Variants in CCDC152 observed in about 807,000 individuals in gnomAD.
CCDC152 encodes the protein coiled-coil domain-containing protein 152.
CCDC152 carries 37 observed loss-of-function variants against 38.1 expected under a neutral mutation model. That is an observed-to-expected ratio of 0.97 (90% CI 0.75 to 1.28). CCDC152 has a LOEUF of 1.28. CCDC152 is among the 50% of genes most tolerant of loss of function. The pLI, the probability that CCDC152 is intolerant of heterozygous loss-of-function variation, is 0.00. For missense variants in CCDC152, 259 were observed against 292.1 expected, an observed-to-expected ratio of 0.89 and a Z score of 0.83; for synonymous variants, 83 against 87.1, an observed-to-expected ratio of 0.95 and a Z score of 0.26.
intron 6 of CCDC152, 46 bp downstream of exon 6, chr5:42,783,622 A>G (rs1309176875): frequency 2.0e-6 from 2 of 981,482 alleles, no homozygotes; most frequent in Non-Finnish European, 2.7e-6. Context: ...TTCAACAGAT[A>G]TAATGTGTGG....
At chr5:42,758,040 T>C (rs145201500) in intron 1 of CCDC152, among the ~76,000 whole-genome samples, 2 of 152,370 alleles carry the variant, frequency 1.3e-5, no homozygotes, top group East Asian at 3.9e-4. Context: ...AATATTTTTC[T>C]GCTGTAAGGA....
intron 6 of CCDC152, among the ~76,000 whole-genome samples, chr5:42,784,565 T>G (rs1759894330): frequency 6.6e-6 from 1 of 152,238 alleles, no homozygotes; most frequent in Admixed American, 6.5e-5. Flanking sequence ...GGTTGTCTGT[T>G]TATGCTGTTG....
chr5:42,788,395 T>C (rs1274436499), intron 6 of CCDC152, among the ~76,000 whole-genome samples: 1 of 150,890 alleles, frequency 6.6e-6, no homozygotes, highest in Non-Finnish European at 1.5e-5. Flanking sequence ...ATAAATGAAA[T>C]CCAATCAGGC....
chr5:42,758,292 C>T (rs1407664208), intron 1 of CCDC152, among the ~76,000 whole-genome samples: 1 of 152,104 alleles, frequency 6.6e-6, no homozygotes, highest in Admixed American at 6.5e-5. Context: ...AATAATATGC[C>T]CCCAAATTGC....
At chr5:42,779,630 TGG>T (rs1554044490) in intron 5 of CCDC152, 108 bp downstream of exon 5, 1 of 633,482 alleles carries the variant, frequency 1.6e-6, no homozygotes, top group Non-Finnish European at 2.7e-6. Context: ...CAAATGTTTG[TGG>T]GTGTGTGTGT....
chr5:42,799,681 A>G lies in CCDC152; in HGVS notation c.665A>G (p.Glu222Gly). 1 of 1,546,246 alleles carries G rather than the reference A, an allele frequency of 6.5e-7. No homozygotes were observed. The highest frequency in any genetic ancestry group is 8.7e-7 in the Non-Finnish European group (1 of 1,144,860). The change falls in exon 9 of 9, where the codon GAA becomes GGA. Residue 222 changes from glutamate (E) to glycine (G), a missense_variant. Coordinates refer to ENST00000361970, the MANE Select transcript of CCDC152 (RefSeq NM_001134848.2). ...TAGAAACTTCAGCATTTTCAAGAAG[A>G]AAAAAACAAGGAGATTGCAATTCTT... ...YRRKLQHFQEEKNKEIAILRN... is the reference protein window; with the variant it reads ...YRRKLQHFQEGKNKEIAILRN...
rs916959006 is a variant in CCDC152, at chr5:42,769,594, C to T, written c.194-3C>T. 13 of 1,467,864 alleles carry T rather than the reference C, an allele frequency of 8.9e-6. No homozygotes were observed. The highest frequency in any genetic ancestry group is 1.1e-5 in the Non-Finnish European group (12 of 1,109,498). The allele number at this position is 1,467,864 out of a possible 1,614,324, so 90.9% of individuals were successfully genotyped here. ...TAAAATAAATTTATCTTTTATATTT[C>T]AGAATGTGCTACTCTTCATAATATA... On this transcript the variant is annotated splice_polypyrimidine_tract_variant and splice_region_variant and intron_variant, in intron 3 of 8. Coordinates refer to ENST00000361970, the MANE Select transcript of CCDC152 (RefSeq NM_001134848.2).
At chr5:42,773,710 A>T (rs1759730674) in intron 4 of CCDC152, among the ~76,000 whole-genome samples, 1 of 152,260 alleles carries the variant, frequency 6.6e-6, no homozygotes, top group Non-Finnish European at 1.5e-5. Context: ...CAGAGCTGTC[A>T]CTTCTCCTAC....
intron 4 of CCDC152, among the ~76,000 whole-genome samples, chr5:42,777,345 C>G (rs1169992565): frequency 6.6e-6 from 1 of 151,964 alleles, no homozygotes; most frequent in East Asian, 1.9e-4. Flanking sequence ...TGCCTGTAAT[C>G]CCAGCTACTC....
chr5:42,758,845 T>C (rs1186495186), intron 1 of CCDC152, among the ~76,000 whole-genome samples: 1 of 152,186 alleles, frequency 6.6e-6, no homozygotes, highest in Non-Finnish European at 1.5e-5. Context: ...CAGTTAAAAG[T>C]CATGCCTCAG....
chr5:42,799,057 G>A (rs1021728820), intron 7 of CCDC152, among the ~76,000 whole-genome samples: 8 of 151,908 alleles, frequency 5.3e-5, no homozygotes, highest in Non-Finnish European at 1.2e-4. Flanking sequence ...ATAGAATCAC[G>A]TGATGTTTTG....
chr5:42,793,986 A>G (rs1760039662), intron 6 of CCDC152, among the ~76,000 whole-genome samples: 1 of 152,198 alleles, frequency 6.6e-6, no homozygotes, highest in African/African-American at 2.4e-5. Flanking sequence ...AAAACACAGT[A>G]GGTAAAAATA....
intron 6 of CCDC152, among the ~76,000 whole-genome samples, chr5:42,793,865 T>G (rs188994104): frequency 1.7e-3 from 259 of 152,300 alleles, no homozygotes; most frequent in African/African-American, 6.0e-3. Context: ...TGCCTTGGCC[T>G]CCCAAAGTGC....
chr5:42,769,534 TGA>T (rs1759670231), intron 3 of CCDC152, 61 bp from the exon 4 acceptor site: 1 of 1,390,280 alleles, frequency 7.2e-7, no homozygotes, highest in Admixed American at 3.1e-5. Flanking sequence ...TAATTTCAAC[TGA>T]GAGAATAATT....
At chr5:42,760,355 G>C (rs536024891) in intron 2 of CCDC152, among the ~76,000 whole-genome samples, 4 of 150,748 alleles carry the variant, frequency 2.7e-5, no homozygotes, top group African/African-American at 9.7e-5. Flanking sequence ...ACTCAGGAAT[G>C]GTTTTAGTAA....
chr5:42,799,715 C>T lies in CCDC152; in HGVS notation c.699C>T (p.Thr233=), dbSNP rs1309511707. 1.0e-5 allele frequency: 16 copies of T among 1,550,682 alleles called. No homozygotes were observed. The highest frequency in any genetic ancestry group is 5.5e-5 in the African/African-American group (4 of 72,960). Residue 233 remains threonine, a synonymous_variant, in exon 9 of 9, where the codon ACC becomes ACT. Transcript: ENST00000361970. ...AGGAGATTGCAATTCTTCGTAATAC[C>T]ATTCGCGATTTAGAGCAACGCCTTT... ...KNKEIAILRN[T]IRDLEQRLSV...
intron 7 of CCDC152, among the ~76,000 whole-genome samples, chr5:42,797,765 G>T (rs73082806): frequency 0.012 from 1,895 of 151,772 alleles, 37 homozygotes; most frequent in African/African-American, 0.044. Context: ...ATATATCCTG[G>T]GGGCAAACAA....
chr5:42,763,247 G>A (rs760873682), intron 3 of CCDC152, among the ~76,000 whole-genome samples: 31 of 152,154 alleles, frequency 2.0e-4, no homozygotes, highest in East Asian at 9.6e-4. Flanking sequence ...TGAAAGAGCC[G>A]AAACTGGAAC....
At chr5:42,787,061 C>A (rs1003479725) in intron 6 of CCDC152, among the ~76,000 whole-genome samples, 1 of 151,908 alleles carries the variant, frequency 6.6e-6, no homozygotes, top group African/African-American at 2.4e-5. Flanking sequence ...GTTTTATGAT[C>A]AGGCATATGG....
Sources: allele counts gnomAD v4.1 joint callset (sites outside exome capture counted in the v4.1 genomes callset), GRCh38; gene constraint gnomAD v4.1.1; transcripts MANE v1.5; gene names NCBI Gene and HGNC (gene_info 2026-07-23, HGNC 2026-07-21).